LSAMP: variants seen among roughly 807,000 people sequenced by gnomAD.
LSAMP encodes the protein limbic system associated membrane protein.
A neutral mutation model predicts 38.6 loss-of-function variants in LSAMP; 7 were observed. The ratio of observed to expected loss-of-function variants is 0.18; its 90% CI spans 0.10 to 0.34. The LOEUF (loss-of-function observed/expected upper bound fraction) is 0.34, where lower values mean the gene tolerates loss of function less well. Ranked by LOEUF, LSAMP falls within the 10% of genes least tolerant of loss-of-function variation. The probability of loss-of-function intolerance (pLI) is 1.00; values close to 1 mark genes in which losing one functional copy is unlikely to be tolerated. For missense variants in LSAMP, 313 were observed against 420.0 expected (o/e 0.75, Z 2.23); for synonymous variants, 154 against 166.8 (o/e 0.92, Z 0.59).
intron 6 of LSAMP, among the ~76,000 whole-genome samples, chr3:115,835,772 C>T (rs1012303444): frequency 4.4e-4 from 67 of 152,324 alleles, no homozygotes; most frequent in African/African-American, 1.5e-3. Context: ...TTTTCTCCAG[C>T]TTGGCTGAAG....
chr3:116,032,180 G>T (rs1940942706), intron 2 of LSAMP, among the ~76,000 whole-genome samples: 2 of 151,964 alleles, frequency 1.3e-5, no homozygotes, highest in African/African-American at 4.8e-5. Context: ...CATAATAAAA[G>T]AAAATACAAA....
chr3:116,405,240 G>A (rs977751433), intron 1 of LSAMP, among the ~76,000 whole-genome samples: 2 of 152,084 alleles, frequency 1.3e-5, no homozygotes, highest in African/African-American at 4.8e-5. Flanking sequence ...TTGCAGTTTG[G>A]GGGTGTCTCA....
At chr3:116,183,820 A>G (rs1710546569) in intron 1 of LSAMP, among the ~76,000 whole-genome samples, 1 of 151,894 alleles carries the variant, frequency 6.6e-6, no homozygotes, top group Non-Finnish European at 1.5e-5. Context: ...AAGTGATATC[A>G]AAATTAGGAC....
chr3:116,102,064 T>C (rs1708359656), intron 1 of LSAMP, among the ~76,000 whole-genome samples: 1 of 152,192 alleles, frequency 6.6e-6, no homozygotes, highest in African/African-American at 2.4e-5. Context: ...TTCATTTCAC[T>C]GTGAAATTAG....
In LSAMP at chr3:116,203,646, G is replaced by A. The variant is rs578054478; in HGVS notation, c.156-117090C>T. 8.2e-4 allele frequency among the ~76,000 whole-genome samples: 122 copies of A among 148,218 alleles called. No individual in the cohort carries two copies. The South Asian group carries it at 0.018, about 22-fold the overall frequency. On this transcript the variant is annotated intron_variant, in intron 1 of 6. Transcript: ENST00000490035. ...TTCCCACCTATGAGTGAGAATATGC[G>A]GTGTTTGGTTTTTTTGTTCTTGCGA...
chr3:116,133,721 A>G (rs778651183), intron 1 of LSAMP, among the ~76,000 whole-genome samples: 6 of 152,226 alleles, frequency 3.9e-5, no homozygotes, highest in Non-Finnish European at 5.9e-5. Flanking sequence ...TTTGATTAAA[A>G]TAATCAAAAT....
chr3:116,249,865 A>T (rs951247140), intron 1 of LSAMP, among the ~76,000 whole-genome samples: 2 of 152,168 alleles, frequency 1.3e-5, no homozygotes, highest in Non-Finnish European at 2.9e-5. Context: ...ACCGATGACA[A>T]TATCATACTG....
intron 3 of LSAMP, among the ~76,000 whole-genome samples, chr3:115,898,778 C>A (rs1203656322): frequency 1.3e-5 from 2 of 152,070 alleles, no homozygotes; most frequent in Non-Finnish European, 2.9e-5. Context: ...GAGCATGGTG[C>A]TTCCTTGTTT....
intron 3 of LSAMP, among the ~76,000 whole-genome samples, chr3:116,012,368 T>C (rs764047157): frequency 6.6e-6 from 1 of 152,244 alleles, no homozygotes; most frequent in South Asian, 2.1e-4. Context: ...TGTGATAGTA[T>C]AATCATCTCT....
chr3:116,009,811 A>G (rs1352189139), intron 3 of LSAMP, among the ~76,000 whole-genome samples: 1 of 152,098 alleles, frequency 6.6e-6, no homozygotes, highest in Non-Finnish European at 1.5e-5. Context: ...CTATAGCACA[A>G]GTTTATTGGC....
intron 2 of LSAMP, among the ~76,000 whole-genome samples, chr3:116,072,660 C>CT (rs938662021): frequency 3.9e-4 from 58 of 148,334 alleles, no homozygotes; most frequent in African/African-American, 1.0e-3. Context: ...CAATATTGAG[C>CT]TTTTTTTTCA....
At chr3:116,020,792 C>A (rs1940617136) in intron 2 of LSAMP, among the ~76,000 whole-genome samples, 1 of 152,118 alleles carries the variant, frequency 6.6e-6, no homozygotes, top group South Asian at 2.1e-4. Context: ...TGAATTTCTT[C>A]TTTTTTACTC....
At chr3:116,105,823 A>T (rs1708453113) in intron 1 of LSAMP, among the ~76,000 whole-genome samples, 1 of 152,060 alleles carries the variant, frequency 6.6e-6, no homozygotes. Flanking sequence ...AGAAAAATAA[A>T]ACAAAATAGT....
intron 1 of LSAMP, among the ~76,000 whole-genome samples, chr3:116,229,883 T>C (rs957910122): frequency 3.3e-5 from 5 of 152,128 alleles, no homozygotes; most frequent in Non-Finnish European, 5.9e-5. Flanking sequence ...GACTAAAAAA[T>C]GTAATGGAAA....
intron 1 of LSAMP, among the ~76,000 whole-genome samples, chr3:116,253,732 GTAAA>G (rs1576462044): frequency 6.6e-6 from 1 of 152,100 alleles, no homozygotes; most frequent in Non-Finnish European, 1.5e-5. Context: ...CAGGAAGAAA[GTAAA>G]TAAATAAATC....
intron 1 of LSAMP, among the ~76,000 whole-genome samples, chr3:116,089,584 C>T (rs899427823): frequency 6.6e-5 from 10 of 152,136 alleles, no homozygotes; most frequent in Non-Finnish European, 1.5e-4. Flanking sequence ...GTCTCAATCT[C>T]CTGACCTCGT....
intron 1 of LSAMP, among the ~76,000 whole-genome samples, chr3:116,238,284 C>G (rs2046490589): frequency 6.6e-6 from 1 of 152,172 alleles, no homozygotes; most frequent in African/African-American, 2.4e-5. Context: ...TTGGTCTTTA[C>G]TAAACTAACC....
chr3:116,040,329 C>T (rs932179708), intron 2 of LSAMP, among the ~76,000 whole-genome samples: 9 of 152,176 alleles, frequency 5.9e-5, no homozygotes, highest in Non-Finnish European at 1.3e-4. Flanking sequence ...AGCAATCTGT[C>T]TTCGCTGAAA....
chr3:116,437,158 G>C (rs2049364058), intron 1 of LSAMP, among the ~76,000 whole-genome samples: 1 of 151,826 alleles, frequency 6.6e-6, no homozygotes, highest in Non-Finnish European at 1.5e-5. Context: ...AAGTAACTCA[G>C]GAATGTAAAA....
Sources: gnomAD v4.1 joint callset for allele counts (sites outside exome capture counted in the v4.1 genomes callset) on GRCh38, gnomAD v4.1.1 for gene constraint, MANE v1.5 for transcripts, NCBI Gene and HGNC (gene_info 2026-07-23, HGNC 2026-07-21) for gene names.